The following ADGRA3 variants were observed in gnomAD, a reference collection of about 807,000 sequenced individuals.
ADGRA3 encodes G-protein coupled receptor 125.
Under a neutral mutation model 119.8 loss-of-function variants are expected in ADGRA3, and 56 were observed. The ratio of observed to expected loss-of-function variants is 0.47; its 90% CI spans 0.38 to 0.58. ADGRA3 has a LOEUF of 0.58. ADGRA3 is among the 20% of genes least tolerant of loss of function. The pLI is 0.00. For missense variants in ADGRA3, 1,516 were observed against 1,649.0 expected (o/e 0.92, Z 1.40); for synonymous variants, 607 against 623.8 (o/e 0.97, Z 0.40).
At chr4:22,392,715 T>TA in intron 16 of ADGRA3, 25 bp from the exon 17 acceptor site, 1 of 1,581,498 alleles carries the variant, frequency 6.3e-7, no homozygotes, top group African/African-American at 1.4e-5. Flanking sequence ...AAAGAATAAA[T>TA]AAAAGAAAAA....
At chr4:22,470,535 G>A (rs1384286171) in intron 2 of ADGRA3, among the ~76,000 whole-genome samples, 3 of 152,012 alleles carry the variant, frequency 2.0e-5, no homozygotes, top group Non-Finnish European at 4.4e-5. Context: ...TAATTTCAAG[G>A]CCACAGCTTT....
chr4:22,482,604 G>A (rs1718291104), intron 1 of ADGRA3, among the ~76,000 whole-genome samples: 1 of 152,110 alleles, frequency 6.6e-6, no homozygotes, highest in Non-Finnish European at 1.5e-5. Flanking sequence ...GGTTGAGGCT[G>A]CAGTGAGCTA....
intron 16 of ADGRA3, chr4:22,394,630 T>A (rs1391557111): frequency 6.6e-6 from 1 of 152,182 alleles, no homozygotes; most frequent in Non-Finnish European, 1.5e-5. Flanking sequence ...GCTGGAGGTG[T>A]CTCTGACACA....
chr4:22,430,815 A>AGGCATCGGAGGAAAACG (rs59815336), intron 10 of ADGRA3, among the ~76,000 whole-genome samples: 7,939 of 151,970 alleles, frequency 0.052, 721 homozygotes, highest in African/African-American at 0.18. Context: ...CAGGCCTGTG[A>AGGCATCGGAGGAAAACG]TGGTTTCATA....
intron 10 of ADGRA3, 43 bp from the exon 11 acceptor site, chr4:22,424,395 C>T (rs1715847040): frequency 2.5e-6 from 4 of 1,583,138 alleles, no homozygotes; most frequent in African/African-American, 2.7e-5. Flanking sequence ...TTTAAAACCA[C>T]CATAAACTAT....
chr4:22,494,137 G>A (rs747909763), intron 1 of ADGRA3, among the ~76,000 whole-genome samples: 11 of 151,338 alleles, frequency 7.3e-5, no homozygotes, highest in African/African-American at 2.0e-4. Context: ...CCTGGGAGGC[G>A]GAGGTTGCAG....
chr4:22,460,378 GC>G (rs958521757), intron 3 of ADGRA3, among the ~76,000 whole-genome samples: 3 of 152,146 alleles, frequency 2.0e-5, no homozygotes, highest in African/African-American at 7.2e-5. Flanking sequence ...CTGACTAAAA[GC>G]AGGACATAAA....
At chr4:22,457,350 G>C (rs1425389896) in intron 3 of ADGRA3, among the ~76,000 whole-genome samples, 3 of 152,158 alleles carry the variant, frequency 2.0e-5, no homozygotes, top group African/African-American at 7.2e-5. Context: ...ATGCACAACT[G>C]AAATTAATGA....
intron 1 of ADGRA3, among the ~76,000 whole-genome samples, chr4:22,498,058 T>C (rs906661710): frequency 6.7e-6 from 1 of 150,002 alleles, no homozygotes; most frequent in Non-Finnish European, 1.5e-5. Context: ...CAGGCCAAAG[T>C]GGTGAACCCC....
rs1405326679 is a variant in ADGRA3 at position 22,402,739 on chromosome 4, T to C, written c.2293A>G (p.Thr765Ala). 1.9e-6 allele frequency: 3 copies of C among 1,613,736 alleles called. No homozygotes were observed. The highest frequency in any genetic ancestry group is 2.5e-6 in the Non-Finnish European group (3 of 1,179,796). Residue 765 changes from threonine (T) to alanine (A), a missense_variant, in exon 15 of 19, where the codon ACT becomes GCT. By Grantham distance (58) the Thr-to-Ala change is moderately conservative. Around this residue, in one of 2 missense-constraint regions of ADGRA3, gnomAD observed 1,088 missense variants for 1,107.1 expected, o/e 0.98. Transcript: ENST00000334304. ...CATAAGAGGAGAATGATAGCGGTAG[T>C]ATAAACCACAGGATGCAGGAGGCTG... The part of the protein sequence containing the change: ...AASLLHPVVY[T>A]TAIILLLCLL...
intron 15 of ADGRA3, among the ~76,000 whole-genome samples, chr4:22,401,788 A>G (rs1714664967): frequency 6.6e-6 from 1 of 152,162 alleles, no homozygotes; most frequent in Admixed American, 6.6e-5. Flanking sequence ...AAAAACAAAA[A>G]GCCATTTATA....
chr4:22,421,016 A>G lies in ADGRA3; in HGVS notation c.1679T>C (p.Phe560Ser). ...TGFTGMTCTV[F>S]QKVAASDRTG... ...ACGATCAGAGGCTGCCACTTTCTGG[A>G]ACACGGTACAGGTCATCCCCGTGAA... The change falls in exon 12 of 19, where the codon TTC becomes TCC. Residue 560 changes from phenylalanine (F) to serine (S), a missense_variant. Phe to Ser is a radical substitution (Grantham distance 155, BLOSUM62 -2). This residue lies in a region of ADGRA3 where 1,088 missense variants were observed against 1,107.1 expected (regional missense o/e 0.98). Coordinates refer to ENST00000334304, the MANE Select transcript of ADGRA3 (RefSeq NM_145290.4). The G allele has an allele frequency of 6.2e-7, 1 of 1,614,104 alleles. No individual in the cohort carries two copies. Among genetic ancestry groups the G allele is most frequent in the Non-Finnish European group, 8.5e-7 (1 of 1,179,978 alleles).
At chr4:22,450,002 TGA>T (rs1716975152) in intron 4 of ADGRA3, among the ~76,000 whole-genome samples, 1 of 152,186 alleles carries the variant, frequency 6.6e-6, no homozygotes, top group Non-Finnish European at 1.5e-5. Flanking sequence ...AATTTTTCCT[TGA>T]GTGTTGGAAC....
At chr4:22,422,162 C>A (rs929372866) in intron 11 of ADGRA3, among the ~76,000 whole-genome samples, 1 of 152,100 alleles carries the variant, frequency 6.6e-6, no homozygotes, top group African/African-American at 2.4e-5. Flanking sequence ...ATTCTAGGGA[C>A]AACATGGCAT....
chr4:22,491,400 T>A (rs1013599729), intron 1 of ADGRA3, among the ~76,000 whole-genome samples: 2 of 152,194 alleles, frequency 1.3e-5, no homozygotes, highest in Non-Finnish European at 2.9e-5. Flanking sequence ...CAATTGGGTA[T>A]AATTTTTTCT....
chr4:22,449,167 A>C (rs1055506159), intron 4 of ADGRA3, among the ~76,000 whole-genome samples: 1 of 151,782 alleles, frequency 6.6e-6, no homozygotes, highest in South Asian at 2.1e-4. Context: ...CTACTCAGGA[A>C]GCTGAGACAC....
chr4:22,491,650 C>A (rs3937747), intron 1 of ADGRA3, among the ~76,000 whole-genome samples: 96,580 of 151,982 alleles, frequency 0.64, 32,577 homozygotes, highest in East Asian at 0.88. Flanking sequence ...TCCTCAGGGT[C>A]CTTTAAGCGA....
Position 22,413,316 on chromosome 4 carries a change from C to A in ADGRA3, c.2098G>T (p.Val700Phe). Residue 700 changes from valine to phenylalanine, a missense_variant, in exon 14 of 19, where the codon GTT becomes TTT. By Grantham distance (50) the Val-to-Phe change is conservative. Coordinates refer to ENST00000334304, the MANE Select transcript of ADGRA3 (RefSeq NM_145290.4). ...AAATCGAAATCCCACCGGGCTGCAA[C>A]AGCATCTGCTCCATGTGCAATTCGA... is the stretch of plus-strand genomic sequence containing the variant. ...LRRIAHGADA[V>F]AARWDFDLLN... 1 of 1,614,134 alleles carries A rather than the reference C, an allele frequency of 6.2e-7. No individual in the cohort carries two copies. Among genetic ancestry groups the A allele is most frequent in the Non-Finnish European group, 8.5e-7 (1 of 1,179,996 alleles).
chr4:22,442,975 C>T, intron 6 of ADGRA3, 112 bp from the exon 7 acceptor site: 2 of 801,170 alleles, frequency 2.5e-6, no homozygotes, highest in Non-Finnish European at 4.2e-6. Context: ...AAATATTCCT[C>T]AATAATCAGC....
Sources: allele counts gnomAD v4.1 joint callset (sites outside exome capture counted in the v4.1 genomes callset), GRCh38; gene constraint gnomAD v4.1.1; regional missense constraint gnomAD v4.1.1; transcripts MANE v1.5; gene names NCBI Gene and HGNC (gene_info 2026-07-23, HGNC 2026-07-21).